Variants in CNTN4 observed in about 807,000 individuals in gnomAD.
CNTN4 encodes the protein contactin 4.
CNTN4 carries 77 observed loss-of-function variants against 122.5 expected under a neutral mutation model. The observed-to-expected ratio is 0.63, with a 90% confidence interval of 0.52 to 0.76. CNTN4 has a LOEUF of 0.76. Among genes scored for constraint, CNTN4 ranks in the 30% least tolerant of loss-of-function variants. The pLI is 0.00. For synonymous variants in CNTN4, 512 were observed against 447.0 expected, an observed-to-expected ratio of 1.15 and a Z score of -1.83; for missense variants, 1,256 against 1,259.1, an observed-to-expected ratio of 1.00 and a Z score of 0.04.
intron 2 of CNTN4, among the ~76,000 whole-genome samples, chr3:2,195,292 A>G (rs1559332346): frequency 2.0e-5 from 3 of 152,240 alleles, no homozygotes; most frequent in Non-Finnish European, 2.9e-5. Context: ...CATTGTCTAC[A>G]TATTCCACAT....
chr3:2,302,016 GTGTT>G (rs748871745), intron 2 of CNTN4, among the ~76,000 whole-genome samples: 1 of 152,222 alleles, frequency 6.6e-6, no homozygotes, highest in East Asian at 1.9e-4. Flanking sequence ...ACGTGTGTGT[GTGTT>G]TGTGTACAAT....
chr3:2,606,060 A>G (rs1387727381), intron 4 of CNTN4, among the ~76,000 whole-genome samples: 2 of 152,112 alleles, frequency 1.3e-5, no homozygotes, highest in African/African-American at 4.8e-5. Flanking sequence ...CACTCGAGGC[A>G]GACACACATG....
chr3:2,181,342 T>C (rs1347529488), intron 2 of CNTN4, among the ~76,000 whole-genome samples: 1 of 151,832 alleles, frequency 6.6e-6, no homozygotes, highest in Non-Finnish European at 1.5e-5. Context: ...TGAGAGGTGA[T>C]GAGATGTCAG....
intron 2 of CNTN4, among the ~76,000 whole-genome samples, chr3:2,124,106 A>G (rs951818668): frequency 2.0e-5 from 3 of 152,166 alleles, no homozygotes; most frequent in Non-Finnish European, 2.9e-5. Flanking sequence ...ATCACTTACA[A>G]TAGATTAACA....
Position 2,409,354 on chromosome 3 carries a change from T to G in CNTN4, c.-89+70121T>G, listed in dbSNP as rs113768471. Reference sequence around the variant, plus strand: ...GCTCCGCCTCCCGGGTTCAGGCCATTCTCCTGCCTCAGCCTCACGAGTAGC... The same window carrying G: ...GCTCCGCCTCCCGGGTTCAGGCCATGCTCCTGCCTCAGCCTCACGAGTAGC... On this transcript the variant is annotated intron_variant, in intron 3 of 24. Coordinates refer to ENST00000418658, the MANE Select transcript of CNTN4 (RefSeq NM_175607.3). Among the ~76,000 whole-genome samples the G allele has an allele frequency of 9.6e-3, 1,458 of 152,020 alleles. 33 individuals are homozygous for G. Among genetic ancestry groups the G allele is most frequent in the South Asian group, 0.068 (329 of 4,806 alleles).
rs184393196 is a variant in CNTN4, at chr3:2,631,993, G to T, written c.55+60435G>T. 3.1e-4 allele frequency among the ~76,000 whole-genome samples: 47 copies of T among 151,890 alleles called. 1 individual carries two copies. The highest frequency in any genetic ancestry group is 1.1e-3 in the African/African-American group (46 of 41,400). ...TTGAGCAAAGGAGTTCAGGGCTGTT[G>T]TGAGCCATGATTGCACTACTGCACT... is the stretch of plus-strand genomic sequence containing the variant. On this transcript the variant is annotated intron_variant, in intron 4 of 24. Transcript: ENST00000418658.
Position 2,571,491 on chromosome 3 carries a change from T to G in CNTN4, c.-13T>G. 6.2e-7 allele frequency: 1 copy of G among 1,610,546 alleles called. No homozygotes were observed. Among genetic ancestry groups the G allele is most frequent in the Non-Finnish European group, 8.5e-7 (1 of 1,176,674 alleles). On this transcript the variant is annotated 5_prime_UTR_variant, in exon 4 of 25. Transcript: ENST00000418658. The stretch of plus-strand genomic sequence containing the variant: ...ATTGGACTTGAAACTCCCTTTGACC[T>G]CGGAAACTGAAGATGAGGTTGCCAT...
chr3:3,021,181 T>C (rs1264288900), intron 14 of CNTN4, among the ~76,000 whole-genome samples: 1 of 152,216 alleles, frequency 6.6e-6, no homozygotes, highest in Non-Finnish European at 1.5e-5. Flanking sequence ...TTGGTCCCAC[T>C]TGAAATCACT....
At chr3:2,502,612 G>A (rs994431542) in intron 3 of CNTN4, among the ~76,000 whole-genome samples, 2 of 152,072 alleles carry the variant, frequency 1.3e-5, no homozygotes, top group African/African-American at 2.4e-5. Context: ...GTGAACAGGT[G>A]TTCACACATA....
rs750748678 is a variant in CNTN4 at position 3,043,686 on chromosome 3, G to C, written c.2793G>C (p.Ser931=). ...WDQVKALDNE[S]EVKGYKVLYR... ...AAGTGAAGGCCCTGGATAATGAGTC[G>C]GAAGTAAAAGGATACAAAGTAGGTA... is the stretch of plus-strand genomic sequence containing the variant. Residue 931 remains serine (S), a synonymous_variant, in exon 23 of 25, where the codon TCG becomes TCC. Transcript: ENST00000418658. 2.9e-5 allele frequency: 46 copies of C among 1,611,522 alleles called. No homozygotes were observed. Among genetic ancestry groups the C allele is most frequent in the Non-Finnish European group, 3.6e-5 (42 of 1,177,826 alleles).
chr3:2,439,246 T>C (rs905594937), intron 3 of CNTN4, among the ~76,000 whole-genome samples: 1 of 152,160 alleles, frequency 6.6e-6, no homozygotes, highest in East Asian at 1.9e-4. Context: ...TTGTAAGAAA[T>C]GCAGATCCCT....
At chr3:2,858,209 A>G (rs897686142) in intron 7 of CNTN4, among the ~76,000 whole-genome samples, 2 of 152,200 alleles carry the variant, frequency 1.3e-5, no homozygotes, top group Non-Finnish European at 1.5e-5. Flanking sequence ...GGCCGACAGC[A>G]TCAGCAGCAC....
chr3:2,739,724 C>G (rs572606608), intron 5 of CNTN4, among the ~76,000 whole-genome samples: 1 of 152,214 alleles, frequency 6.6e-6, no homozygotes, highest in Admixed American at 6.5e-5. Context: ...TTTTACATGG[C>G]AAGGAAGCCT....
intron 14 of CNTN4, among the ~76,000 whole-genome samples, chr3:3,009,606 T>G (rs1303374810): frequency 1.3e-5 from 2 of 151,644 alleles, no homozygotes; most frequent in African/African-American, 2.4e-5. Context: ...GCTAATTTTT[T>G]GTATTTTTAG....
At chr3:2,868,805 G>A (rs7650299) in intron 8 of CNTN4, among the ~76,000 whole-genome samples, 113,218 of 152,050 alleles carry the variant, frequency 0.74, 42,483 homozygotes, top group African/African-American at 0.84. Context: ...TATTTTAGAT[G>A]CCAGTAAACC....
intron 2 of CNTN4, among the ~76,000 whole-genome samples, chr3:2,331,849 T>G (rs2043737358): frequency 1.3e-5 from 2 of 152,174 alleles, no homozygotes; most frequent in Non-Finnish European, 2.9e-5. Flanking sequence ...CTGCATGCCC[T>G]TTGCAAATGA....
intron 3 of CNTN4, among the ~76,000 whole-genome samples, chr3:2,443,662 A>C (rs571921486): frequency 6.6e-5 from 10 of 152,278 alleles, no homozygotes; most frequent in Non-Finnish European, 1.2e-4. Flanking sequence ...TATGTATTTC[A>C]GTGTCGACTT....
intron 13 of CNTN4, among the ~76,000 whole-genome samples, chr3:2,982,559 CA>C (rs1316557441): frequency 6.6e-6 from 1 of 152,042 alleles, no homozygotes; most frequent in Non-Finnish European, 1.5e-5. Flanking sequence ...ATATGGTAGG[CA>C]AAATAATTGC....
In CNTN4 at chr3:2,617,281, G is replaced by C. The variant is rs548950263; in HGVS notation, c.55+45723G>C. On this transcript the variant is annotated intron_variant, in intron 4 of 24. Coordinates refer to ENST00000418658, the MANE Select transcript of CNTN4 (RefSeq NM_175607.3). ...AATATTCAGCATCTACAAGGAACTT[G>C]AACAAATTTTCAAGAAAAAAACAAC... is the stretch of plus-strand genomic sequence containing the variant. 2.6e-5 allele frequency among the ~76,000 whole-genome samples: 4 copies of C among 151,934 alleles called. No homozygotes were observed. In the South Asian group the frequency reaches 8.3e-4, roughly 32 times the overall value.
Sources: allele counts gnomAD v4.1 joint callset (sites outside exome capture counted in the v4.1 genomes callset), GRCh38; gene constraint gnomAD v4.1.1; transcripts MANE v1.5; gene names NCBI Gene and HGNC (gene_info 2026-07-23, HGNC 2026-07-21).